DDX23: variants seen among roughly 807,000 people sequenced by gnomAD.
The protein encoded by DDX23 is probable ATP-dependent RNA helicase DDX23.
In DDX23, 33 loss-of-function variants were observed where a neutral mutation model predicts 102.7. The observed-to-expected ratio is 0.32, with a 90% CI of 0.24 to 0.43. The LOEUF (loss-of-function observed/expected upper bound fraction) is 0.43. Ranked by LOEUF, DDX23 falls within the 20% of genes least tolerant of loss-of-function variation. DDX23 has a pLI of 1.00. For synonymous variants in DDX23, 352 were observed against 376.0 expected, an observed-to-expected ratio of 0.94 and a Z score of 0.74; for missense variants, 549 against 1,086.6, an observed-to-expected ratio of 0.51 and a Z score of 6.96.
Position 48,845,554 on chromosome 12 carries a change from A to T in DDX23, c.209+20T>A. On this transcript the variant is annotated intron_variant, in intron 2 of 16. Coordinates refer to ENST00000308025, the MANE Select transcript of DDX23 (RefSeq NM_004818.3). ...AACGTACTCTCCCTTCCCATGTAAT[A>T]ACATACAAAGTTACTTTACCTTTCT... 6.2e-7 allele frequency: 1 copy of T among 1,613,734 alleles called. No homozygotes were observed. The highest frequency in any genetic ancestry group is 8.5e-7 in the Non-Finnish European group (1 of 1,179,610).
chr12:48,834,625 T>G, intron 11 of DDX23, 128 bp from the exon 12 acceptor site: 2 of 882,288 alleles, frequency 2.3e-6, no homozygotes, highest in Non-Finnish European at 3.5e-6. Context: ...AAGAATGCAA[T>G]GATCTCACTT....
Position 48,837,961 on chromosome 12 carries a change from G to A in DDX23, c.600C>T (p.Asp200=). ...EERKKRKQFQ[D]LGRKMLEDPQ... is the part of the protein sequence containing the mutation. ...ACAAACCCAACATCTTCCTGCCCAA[G>A]TCTTGGAACTGTTTCCTTTTCTTCC... Residue 200 remains aspartate, a synonymous_variant, in exon 6 of 17, where the codon GAC becomes GAT. Transcript: ENST00000308025. The A allele has an allele frequency of 6.2e-7, 1 of 1,613,146 alleles. No individual in the cohort carries two copies. Among genetic ancestry groups the A allele is most frequent in the South Asian group, 1.1e-5 (1 of 91,038 alleles).
chr12:48,836,438 A>G lies in DDX23; in HGVS notation c.1236+131T>C, dbSNP rs1340598214. 2 of 1,242,230 alleles carry G rather than the reference A, an allele frequency of 1.6e-6. No homozygotes were observed. The highest frequency in any genetic ancestry group is 1.5e-5 in the African/African-American group (1 of 66,454). 77.0% of individuals were successfully genotyped at this position (1,242,230 alleles called of 1,614,324 possible). On this transcript the variant is annotated intron_variant, in intron 10 of 16. Transcript: ENST00000308025. This position sits in a 1 kb window ranked among gnomAD's most constrained non-coding sequence, Gnocchi z 6.1. ...CACTAAAAGCCAACACTTCTACCAG[A>G]AAGTGACAGAAAAGGTCACATTGGT...
At chr12:48,841,793 C>T (rs1192711636) in intron 3 of DDX23, among the ~76,000 whole-genome samples, 7 of 152,194 alleles carry the variant, frequency 4.6e-5, no homozygotes, top group Admixed American at 1.3e-4. Context: ...AGTGCAGTGG[C>T]GTGATCTTGG....
chr12:48,849,332 A>G (rs139821822), intron 1 of DDX23, among the ~76,000 whole-genome samples: 2 of 152,182 alleles, frequency 1.3e-5, no homozygotes, highest in African/African-American at 4.8e-5. Flanking sequence ...CTTCCCGTCT[A>G]TTTTGAACAA....
intron 13 of DDX23, 136 bp downstream of exon 13, chr12:48,833,141 T>C: frequency 7.5e-7 from 1 of 1,327,334 alleles, no homozygotes; most frequent in Non-Finnish European, 1.0e-6. Context: ...GCACCACCAA[T>C]GCCCAGCTAA....
At position 48,836,430 on chromosome 12, in the gene DDX23, T is replaced by G; in HGVS notation, c.1236+139A>C. 3 of 1,242,268 alleles carry G rather than the reference T, an allele frequency of 2.4e-6. No homozygotes were observed. Among genetic ancestry groups the G allele is most frequent in the Non-Finnish European group, 3.4e-6 (3 of 880,172 alleles). 77.0% of individuals were successfully genotyped at this position (1,242,268 alleles called of 1,614,324 possible). ...AACCTAATCACTAAAAGCCAACACT[T>G]CTACCAGAAAGTGACAGAAAAGGTC... On this transcript the variant is annotated intron_variant, in intron 10 of 16. Coordinates refer to ENST00000308025, the MANE Select transcript of DDX23 (RefSeq NM_004818.3). This position sits in a 1 kb window ranked among gnomAD's most constrained non-coding sequence, Gnocchi z 6.1.
chr12:48,841,645 T>C (rs1178303513), intron 3 of DDX23, among the ~76,000 whole-genome samples: 9 of 152,318 alleles, frequency 5.9e-5, no homozygotes, highest in African/African-American at 9.6e-5. Flanking sequence ...ATTTTTTTGG[T>C]GGAGACGGGG....
chr12:48,837,298 G>T lies in DDX23; in HGVS notation c.849C>A (p.Ser283=). 1 of 1,614,072 alleles carries T rather than the reference G, an allele frequency of 6.2e-7. No homozygotes were observed. The highest frequency in any genetic ancestry group is 1.1e-5 in the South Asian group (1 of 91,070). Residue 283 remains serine, a synonymous_variant, in exon 8 of 17, where the codon TCC becomes TCA. Transcript: ENST00000308025. Reference sequence around the variant, plus strand: ...CCACTCACAGGGGGTTGTAGTCAATGGATGTGTCCTCAGATGCATCCCACT... The same window carrying T: ...CCACTCACAGGGGGTTGTAGTCAATTGATGTGTCCTCAGATGCATCCCACT... The part of the protein sequence containing the change: ...VFEWDASEDT[S]IDYNPLYKER...
intron 1 of DDX23, among the ~76,000 whole-genome samples, chr12:48,848,254 C>G (rs1339169690): frequency 6.6e-6 from 1 of 151,780 alleles, no homozygotes; most frequent in African/African-American, 2.4e-5. Context: ...CCACTGCACT[C>G]CAGCCTGGGT....
Position 48,845,712 on chromosome 12 carries a change from C to T in DDX23, c.71G>A (p.Arg24Gln), listed in dbSNP as rs759810791. The T allele has an allele frequency of 8.5e-5, 137 of 1,614,084 alleles. No homozygotes were observed. Among genetic ancestry groups the T allele is most frequent in the Admixed American group, 4.8e-4 (29 of 60,006 alleles). The part of the protein sequence containing the change: ...SPSKEERKRS[R>Q]TPDRERDRDR... ...TCTATCCCGCTCTCTGTCAGGAGTC[C>T]GTGATCGCTTCCTTTCCTCCTTGGA... The change falls in exon 2 of 17, where the codon CGG (arginine) becomes CAG (glutamine). Residue 24 changes from arginine (R) to glutamine (Q), a missense_variant. Arg to Gln is a conservative substitution (Grantham distance 43, BLOSUM62 1). Around this residue, in one of 4 missense-constraint regions of DDX23, gnomAD observed 241 missense variants for 267.0 expected, o/e 0.90. Transcript: ENST00000308025.
chr12:48,844,571 G>A (rs1260633872), intron 2 of DDX23, among the ~76,000 whole-genome samples: 2 of 149,788 alleles, frequency 1.3e-5, no homozygotes, highest in Admixed American at 1.3e-4. Flanking sequence ...GAGCCACCGC[G>A]CCCGGCCACA....
In DDX23 at chr12:48,830,974, C is replaced by T. The variant is rs746485250; in HGVS notation, c.2239+168G>A. 1.1e-4 allele frequency among the ~76,000 whole-genome samples: 16 copies of T among 152,168 alleles called. No individual in the cohort carries two copies. Among genetic ancestry groups the T allele is most frequent in the Admixed American group, 2.0e-4 (3 of 15,274 alleles). The stretch of plus-strand genomic sequence containing the variant: ...TCATCCCAGCTGCTGGGACAACAAA[C>T]CCAGGTAAGATAAAGGACAGGAGTG... On this transcript the variant is annotated intron_variant, in intron 16 of 16. Transcript: ENST00000308025. The surrounding 1 kb of genome is among the most constrained non-coding windows in gnomAD (Gnocchi z 4.9).
intron 15 of DDX23, 143 bp downstream of exon 15, chr12:48,831,935 A>G: frequency 2.8e-6 from 2 of 717,970 alleles, no homozygotes; most frequent in Non-Finnish European, 4.7e-6. Context: ...CCCTCAAACC[A>G]CCCTTCACCC....
intron 3 of DDX23, 27 bp from the exon 4 acceptor site, chr12:48,840,133 A>C: frequency 6.4e-7 from 1 of 1,572,566 alleles, no homozygotes; most frequent in Non-Finnish European, 8.8e-7. Flanking sequence ...CAAGGTCCAC[A>C]TCACTCTTAC....
intron 3 of DDX23, among the ~76,000 whole-genome samples, chr12:48,841,692 A>G (rs1204518073): frequency 2.0e-5 from 3 of 152,182 alleles, no homozygotes; most frequent in African/African-American, 7.2e-5. Context: ...CCAGCTCCTG[A>G]CCGCGAGTGA....
In DDX23 at chr12:48,834,345, C is replaced by G; in HGVS notation, c.1535G>C (p.Gly512Ala). The G allele has an allele frequency of 6.2e-7, 1 of 1,614,044 alleles. No individual in the cohort carries two copies. Among genetic ancestry groups the G allele is most frequent in the East Asian group, 2.2e-5 (1 of 44,888 alleles). The change falls in exon 12 of 17, where the codon GGC (glycine) becomes GCC (alanine). Residue 512 changes from glycine (G) to alanine (A), a missense_variant. Transcript: ENST00000308025. ...VIGGISREDQ[G>A]FRLRMGCEIV... The stretch of plus-strand genomic sequence containing the variant: ...CTCACAACCCATGCGCAGCCTGAAG[C>G]CCTGGTCTTCTCTGGAGATGCCACC...
chr12:48,845,873 AG>A, intron 1 of DDX23, 91 bp from the exon 2 acceptor site: 1 of 1,344,146 alleles, frequency 7.4e-7, no homozygotes, highest in Middle Eastern at 2.5e-4. Flanking sequence ...CAACCCTATG[AG>A]GTGGATATAT....
intron 3 of DDX23, among the ~76,000 whole-genome samples, chr12:48,843,348 C>T (rs1489643745): frequency 6.6e-6 from 1 of 151,064 alleles, no homozygotes; most frequent in Non-Finnish European, 1.5e-5. Context: ...GCCTGTAGTC[C>T]AGCTACTCAG....
Sources: allele counts gnomAD v4.1 joint callset (sites outside exome capture counted in the v4.1 genomes callset), GRCh38; gene constraint gnomAD v4.1.1; regional missense constraint gnomAD v4.1.1; non-coding constraint Gnocchi (gnomAD v3.1); transcripts MANE v1.5; gene names NCBI Gene and HGNC (gene_info 2026-07-23, HGNC 2026-07-21).